Variants in PDE4D observed in about 807,000 individuals in gnomAD.
The protein encoded by PDE4D is 3',5'-cyclic-AMP phosphodiesterase 4D.
Under a neutral mutation model 87.4 loss-of-function variants are expected in PDE4D, and 24 were observed. That is an observed-to-expected ratio of 0.27 (90% CI 0.20 to 0.39). The LOEUF is 0.39. Among genes scored for constraint, PDE4D ranks in the 10% least tolerant of loss-of-function variants. The probability of loss-of-function intolerance (pLI) is 1.00; values close to 1 mark genes in which losing one functional copy is unlikely to be tolerated. For synonymous variants in PDE4D, 384 were observed against 383.2 expected, an observed-to-expected ratio of 1.00 and a Z score of -0.02; for missense variants, 714 against 1,041.0, an observed-to-expected ratio of 0.69 and a Z score of 4.32.
intron 1 of PDE4D, among the ~76,000 whole-genome samples, chr5:59,482,807 T>A (rs1043641289): frequency 6.6e-6 from 1 of 152,196 alleles, no homozygotes; most frequent in Non-Finnish European, 1.5e-5. Context: ...ATTTCCTACA[T>A]AAATCTACTA....
intron 1 of PDE4D, among the ~76,000 whole-genome samples, chr5:59,258,605 A>G (rs1368061006): frequency 6.7e-6 from 1 of 150,306 alleles, no homozygotes; most frequent in African/African-American, 2.4e-5. Context: ...TACTATTAAA[A>G]TATAATTTAC....
intron 13 of PDE4D, 24 bp downstream of exon 13, chr5:58,976,324 CAG>C (rs746533946): frequency 2.5e-6 from 4 of 1,609,658 alleles, no homozygotes; most frequent in African/African-American, 1.3e-5. Flanking sequence ...CACACACACA[CAG>C]AGCAAACTCA....
intron 6 of PDE4D, among the ~76,000 whole-genome samples, chr5:59,035,483 T>C (rs1758346380): frequency 6.6e-6 from 1 of 152,316 alleles, no homozygotes; most frequent in South Asian, 2.1e-4. Context: ...AACCGAATGG[T>C]AAAAAGACAT....
chr5:60,195,139 C>A lies in PDE4D; in HGVS notation c.-89-9452G>T, dbSNP rs145016323. Among the ~76,000 whole-genome samples, 451 of 151,736 alleles carry A rather than the reference C, an allele frequency of 3.0e-3. 16 individuals are homozygous for A. Among genetic ancestry groups the A allele is most frequent in the East Asian group, 0.021 (108 of 5,172 alleles). On this transcript the variant is annotated intron_variant, in intron 1 of 16. Transcript: ENST00000502484. ...GGGAATGTCTTGCTTCAAGACTCAA[C>A]TCAGGTGTCATCTCCTCCTGGAAGA...
intron 6 of PDE4D, among the ~76,000 whole-genome samples, chr5:59,016,027 A>C (rs911015850): frequency 6.6e-6 from 1 of 152,182 alleles, no homozygotes; most frequent in African/African-American, 2.4e-5. Context: ...TGTTGCAAGG[A>C]CAGAAAACCA....
intron 4 of PDE4D, among the ~76,000 whole-genome samples, chr5:59,181,752 T>G (rs1026700548): frequency 6.6e-6 from 1 of 151,966 alleles, no homozygotes; most frequent in African/African-American, 2.4e-5. Context: ...AAAACAAAAC[T>G]TTGAGAATTT....
At chr5:59,303,664 T>A (rs577194172) in intron 1 of PDE4D, among the ~76,000 whole-genome samples, 15 of 152,282 alleles carry the variant, frequency 9.9e-5, no homozygotes, top group African/African-American at 3.6e-4. Context: ...CCCCACTTTA[T>A]GTTTTTGTTT....
In PDE4D at chr5:59,510,159, A is replaced by C. The variant is rs187474778; in HGVS notation, c.456-294191T>G. Among the ~76,000 whole-genome samples the C allele has an allele frequency of 1.2e-3, 174 of 150,828 alleles. 1 individual carries two copies. The highest frequency in any genetic ancestry group is 4.0e-3 in the African/African-American group (167 of 41,432). ...TTCTAAATAACACTTGAGTGAGAGA[A>C]GAAATCAAAGGGATTTATAAAATAC... On this transcript the variant is annotated intron_variant, in intron 1 of 14. Transcript: ENST00000340635.
intron 1 of PDE4D, among the ~76,000 whole-genome samples, chr5:59,872,262 T>C (rs1747917545): frequency 7.6e-6 from 1 of 131,750 alleles, no homozygotes; most frequent in South Asian, 2.5e-4. Context: ...ACAGAAGAGT[T>C]ACACACACAC....
intron 1 of PDE4D, among the ~76,000 whole-genome samples, chr5:59,597,483 T>TAA (rs1826864216): frequency 6.6e-6 from 1 of 151,930 alleles, no homozygotes; most frequent in African/African-American, 2.4e-5. Flanking sequence ...TTTTCTTCAT[T>TAA]AAATGTCAGT....
intron 1 of PDE4D, among the ~76,000 whole-genome samples, chr5:59,248,394 A>G (rs900209723): frequency 1.3e-5 from 2 of 151,492 alleles, no homozygotes; most frequent in Non-Finnish European, 2.9e-5. Flanking sequence ...TCTTGCATCT[A>G]TCTGCCACCT....
At chr5:59,946,114 A>G (rs1757697952) in intron 3 of PDE4D, among the ~76,000 whole-genome samples, 2 of 152,338 alleles carry the variant, frequency 1.3e-5, no homozygotes, top group East Asian at 1.9e-4. Flanking sequence ...GCTGCCTTCC[A>G]TACTGTAGAT....
intron 1 of PDE4D, among the ~76,000 whole-genome samples, chr5:59,276,659 C>T (rs1045644299): frequency 4.6e-5 from 7 of 151,846 alleles, no homozygotes; most frequent in African/African-American, 7.3e-5. Context: ...AGTGGCTGCA[C>T]GTATTAAGGC....
intron 1 of PDE4D, among the ~76,000 whole-genome samples, chr5:60,468,339 A>T (rs1372391615): frequency 2.6e-5 from 4 of 151,848 alleles, no homozygotes; most frequent in African/African-American, 9.7e-5. Context: ...GGATTTTACC[A>T]TGTTGCCCAG....
At chr5:60,033,841 C>G (rs1437863661) in intron 2 of PDE4D, among the ~76,000 whole-genome samples, 1 of 152,124 alleles carries the variant, frequency 6.6e-6, no homozygotes, top group Non-Finnish European at 1.5e-5. Flanking sequence ...TGGCAATAGG[C>G]ATGTGGGAAA....
chr5:59,303,402 C>A (rs771915274), intron 1 of PDE4D, among the ~76,000 whole-genome samples: 3 of 152,074 alleles, frequency 2.0e-5, no homozygotes, highest in African/African-American at 7.2e-5. Context: ...TAATGAGGTC[C>A]CAGCTATTTA....
At chr5:59,112,861 C>A (rs1044488730) in intron 5 of PDE4D, among the ~76,000 whole-genome samples, 2 of 149,218 alleles carry the variant, frequency 1.3e-5, no homozygotes, top group Non-Finnish European at 3.0e-5. Context: ...AGTGCAGTGG[C>A]GCGATCTCAG....
At chr5:59,738,050 A>C (rs1260986206) in intron 1 of PDE4D, among the ~76,000 whole-genome samples, 1 of 152,174 alleles carries the variant, frequency 6.6e-6, no homozygotes, top group Non-Finnish European at 1.5e-5. Context: ...AAAATACTTT[A>C]AAATTCAGTG....
At chr5:59,356,367 T>C (rs1453886468) in intron 1 of PDE4D, among the ~76,000 whole-genome samples, 1 of 152,220 alleles carries the variant, frequency 6.6e-6, no homozygotes, top group Non-Finnish European at 1.5e-5. Flanking sequence ...TTTTTTCATG[T>C]GCATGTGCCC....
Sources: gnomAD v4.1 joint callset for allele counts (sites outside exome capture counted in the v4.1 genomes callset) on GRCh38, gnomAD v4.1.1 for gene constraint, MANE v1.5 for transcripts, NCBI Gene and HGNC (gene_info 2026-07-23, HGNC 2026-07-21) for gene names.